Variants in ANO2 observed in about 807,000 individuals in gnomAD.
The protein encoded by ANO2 is anoctamin-2.
Under a neutral mutation model 124.2 loss-of-function variants are expected in ANO2, and 101 were observed. That is an observed-to-expected ratio of 0.81 (90% CI 0.69 to 0.96). The LOEUF is 0.96. Among genes scored for constraint, ANO2 ranks in the 40% least tolerant of loss-of-function variants. The probability of loss-of-function intolerance (pLI) is 0.00; values close to 1 mark genes in which losing one functional copy is unlikely to be tolerated. For synonymous variants in ANO2, 486 were observed against 482.5 expected, an observed-to-expected ratio of 1.01 and a Z score of -0.09; for missense variants, 1,293 against 1,274.5, an observed-to-expected ratio of 1.01 and a Z score of -0.22.
intron 23 of ANO2, among the ~76,000 whole-genome samples, chr12:5,567,209 G>A (rs1018986512): frequency 6.6e-6 from 1 of 152,106 alleles, no homozygotes. Context: ...AGCTTGGTTT[G>A]ACATCCGGAT....
At chr12:5,666,231 A>G (rs1236813379) in intron 14 of ANO2, among the ~76,000 whole-genome samples, 1 of 152,232 alleles carries the variant, frequency 6.6e-6, no homozygotes, top group Non-Finnish European at 1.5e-5. Flanking sequence ...ACCTGGAAAA[A>G]GCTACCAGGA....
chr12:5,589,391 C>T (rs929407450), intron 20 of ANO2, among the ~76,000 whole-genome samples: 80 of 152,086 alleles, frequency 5.3e-4, no homozygotes, highest in Admixed American at 1.2e-3. Flanking sequence ...TAAGGATAAC[C>T]ACCTCTCTTG....
At chr12:5,770,060 C>T (rs1002425348) in intron 10 of ANO2, among the ~76,000 whole-genome samples, 32 of 152,132 alleles carry the variant, frequency 2.1e-4, no homozygotes, top group African/African-American at 7.7e-4. Context: ...GTTGACAAAG[C>T]CCTTAGGTTG....
intron 3 of ANO2, among the ~76,000 whole-genome samples, chr12:5,885,021 C>T (rs1938785136): frequency 6.6e-6 from 1 of 152,232 alleles, no homozygotes; most frequent in African/African-American, 2.4e-5. Context: ...TTTCATCTCC[C>T]TGTGGTCCAG....
intron 15 of ANO2, among the ~76,000 whole-genome samples, chr12:5,641,786 G>T (rs1357545878): frequency 6.6e-6 from 1 of 152,198 alleles, no homozygotes; most frequent in Non-Finnish European, 1.5e-5. Context: ...GTTGGGTGGG[G>T]CTGGGAAAGG....
chr12:5,796,181 GCACA>G (rs1323018182), intron 10 of ANO2, among the ~76,000 whole-genome samples: 1 of 146,828 alleles, frequency 6.8e-6, no homozygotes, highest in African/African-American at 2.5e-5. Context: ...ACACACTCAT[GCACA>G]CACTCTCTCA....
intron 23 of ANO2, among the ~76,000 whole-genome samples, chr12:5,570,246 C>T (rs1942022906): frequency 6.6e-6 from 1 of 152,038 alleles, no homozygotes; most frequent in Non-Finnish European, 1.5e-5. Context: ...TGAAACAATA[C>T]CTTAAAAGTC....
intron 14 of ANO2, among the ~76,000 whole-genome samples, chr12:5,705,206 G>C (rs1158734685): frequency 6.6e-6 from 1 of 152,116 alleles, no homozygotes; most frequent in African/African-American, 2.4e-5. Context: ...TTAGCTATGT[G>C]GGTAGTTAAC....
intron 4 of ANO2, among the ~76,000 whole-genome samples, chr12:5,853,455 A>G (rs900605039): frequency 2.0e-5 from 3 of 152,098 alleles, no homozygotes; most frequent in African/African-American, 7.2e-5. Context: ...TTCCATACCA[A>G]CCAAGTAGGT....
chr12:5,796,187 ACTCT>A (rs754902231), intron 10 of ANO2, among the ~76,000 whole-genome samples: 17 of 150,358 alleles, frequency 1.1e-4, no homozygotes, highest in African/African-American at 3.2e-4. Context: ...TCATGCACAC[ACTCT>A]CTCACATACA....
At chr12:5,898,940 A>G (rs1368036813) in intron 3 of ANO2, among the ~76,000 whole-genome samples, 1 of 152,222 alleles carries the variant, frequency 6.6e-6, no homozygotes, top group Non-Finnish European at 1.5e-5. Context: ...GGAGAGGAGA[A>G]TGAGAAGGCC....
In ANO2 at chr12:5,621,804, G is replaced by A. The variant is rs374818914; in HGVS notation, c.1817-6507C>T. On this transcript the variant is annotated intron_variant, in intron 16 of 24. Coordinates refer to ENST00000682330, the MANE Select transcript of ANO2 (RefSeq NM_001364791.2). ...GGGAAACAGGCAGACACCGTGGAAG[G>A]CAGAGGAGGAGAAGAGGAAGAAGAA... Among the ~76,000 whole-genome samples, 6 of 152,066 alleles carry A rather than the reference G, an allele frequency of 3.9e-5. No individual in the cohort carries two copies. In the East Asian group the frequency reaches 1.2e-3, roughly 29 times the overall value.
chr12:5,583,009 G>C (rs1942839358), intron 20 of ANO2, among the ~76,000 whole-genome samples: 1 of 152,166 alleles, frequency 6.6e-6, no homozygotes, highest in African/African-American at 2.4e-5. Flanking sequence ...TCCCTAGATG[G>C]AAAGCCCCTT....
chr12:5,656,417 A>G (rs534761355), intron 14 of ANO2, among the ~76,000 whole-genome samples: 86 of 152,314 alleles, frequency 5.6e-4, no homozygotes, highest in African/African-American at 2.0e-3. Flanking sequence ...TGAGCGGGCA[A>G]CACCTGAAAC....
In ANO2 at chr12:5,767,973, G is replaced by A. The variant is rs151262317; in HGVS notation, c.1056-17003C>T. 9.2e-5 allele frequency among the ~76,000 whole-genome samples: 14 copies of A among 152,224 alleles called. 1 individual carries two copies. The East Asian group carries it at 9.7e-4, about 11-fold the overall frequency. On this transcript the variant is annotated intron_variant, in intron 10 of 24. Transcript: ENST00000682330. ...ATGAGAACCTCAGGATCCTCCAGAC[G>A]CCATATGTGGACTGTAGGGGGTGCA...
rs190006539 is a variant in ANO2 at position 5,701,326 on chromosome 12, C to A, written c.1545+31194G>T. ...TTCTAGGCTTATCTTTGACTTATTT[C>A]TATTTTTGTGTGCTGATTCCTAATC... On this transcript the variant is annotated intron_variant, in intron 14 of 24. Coordinates refer to ENST00000682330, the MANE Select transcript of ANO2 (RefSeq NM_001364791.2). 3.2e-3 allele frequency among the ~76,000 whole-genome samples: 482 copies of A among 152,222 alleles called. 3 individuals are homozygous for A. The highest frequency in any genetic ancestry group is 0.011 in the African/African-American group (461 of 41,542).
At chr12:5,648,244 C>T (rs555850342) in intron 14 of ANO2, among the ~76,000 whole-genome samples, 4 of 152,266 alleles carry the variant, frequency 2.6e-5, no homozygotes, top group South Asian at 2.1e-4. Context: ...ATGACAGATA[C>T]GACCCAACCA....
chr12:5,637,867 GA>G (rs765303768), intron 15 of ANO2, among the ~76,000 whole-genome samples: 69 of 152,246 alleles, frequency 4.5e-4, no homozygotes, highest in Admixed American at 1.2e-3. Context: ...AAGATTCACA[GA>G]GCTTTCGAGC....
intron 3 of ANO2, among the ~76,000 whole-genome samples, chr12:5,878,697 C>T (rs1565743460): frequency 6.6e-6 from 1 of 152,206 alleles, no homozygotes; most frequent in Non-Finnish European, 1.5e-5. Flanking sequence ...CAACAGATTA[C>T]TGGGAACATC....
Sources: gnomAD v4.1 joint callset for allele counts (sites outside exome capture counted in the v4.1 genomes callset) on GRCh38, gnomAD v4.1.1 for gene constraint, MANE v1.5 for transcripts, NCBI Gene and HGNC (gene_info 2026-07-23, HGNC 2026-07-21) for gene names.